DMBX1: variants seen among roughly 807,000 people sequenced by gnomAD.
The protein encoded by DMBX1 is diencephalon/mesencephalon homeobox 1.
DMBX1 carries 7 observed loss-of-function variants against 30.4 expected under a neutral mutation model. The observed-to-expected ratio is 0.23, with a 90% confidence interval of 0.13 to 0.43. The LOEUF is 0.43. DMBX1 is among the 20% of genes least tolerant of loss of function. DMBX1 has a pLI of 1.00. For missense variants in DMBX1, 460 were observed against 508.5 expected (o/e 0.90, Z 0.92); for synonymous variants, 222 against 214.2 (o/e 1.04, Z -0.32).
rs1665972710 is a variant in DMBX1 at position 46,493,669 on chromosome 1, A to G, written c.-13+2886A>G. ...TACAGCCACTGTGGGCGCTGCTTCC[A>G]TGAGCCCCGAGGCCACTGGAGCCCA... On this transcript the variant is annotated intron_variant, in intron 2 of 5. Coordinates refer to ENST00000360032, the MANE Select transcript of DMBX1 (RefSeq NM_172225.2). This position sits in a 1 kb window ranked among gnomAD's most constrained non-coding sequence, Gnocchi z 4.1. 2.0e-5 allele frequency among the ~76,000 whole-genome samples: 3 copies of G among 152,346 alleles called. No individual in the cohort carries two copies. Among genetic ancestry groups the G allele is most frequent in the East Asian group, 3.9e-4 (2 of 5,180 alleles).
At position 46,511,303 on chromosome 1, in the gene DMBX1, A is replaced by T. The variant is rs1422323464; in HGVS notation, c.682+20A>T. 1 of 1,523,890 alleles carries T rather than the reference A, an allele frequency of 6.6e-7. No individual in the cohort carries two copies. The highest frequency in any genetic ancestry group is 1.4e-5 in the African/African-American group (1 of 72,306). 94.4% of individuals were successfully genotyped at this position (1,523,890 alleles called of 1,614,324 possible). A position where few individuals can be genotyped will look rare whatever the true frequency, so the allele number is the denominator to read the frequency against. ...AGGCAGGTGAGGTCTGAGGGGTACC[A>T]TGGGAGGGCTGGGGTCTGGGGGCCC... On this transcript the variant is annotated intron_variant, in intron 5 of 5. Transcript: ENST00000360032.
At position 46,512,628 on chromosome 1, in the gene DMBX1, C is replaced by T. The variant is rs1291477002; in HGVS notation, c.*134C>T. On this transcript the variant is annotated 3_prime_UTR_variant, in exon 6 of 6. Coordinates refer to ENST00000360032, the MANE Select transcript of DMBX1 (RefSeq NM_172225.2). This position sits in a 1 kb window ranked among gnomAD's most constrained non-coding sequence, Gnocchi z 4.8. ...GCCTGGGGTCCTGTTCCCTGCTCCGCTTCCCCATACCCCAGCCCGAGGTGA... is the reference window on the plus strand; with the variant it reads ...GCCTGGGGTCCTGTTCCCTGCTCCGTTTCCCCATACCCCAGCCCGAGGTGA... 6.1e-6 allele frequency: 6 copies of T among 988,868 alleles called. No individual in the cohort carries two copies. Among genetic ancestry groups the T allele is most frequent in the African/African-American group, 1.6e-5 (1 of 61,022 alleles). 61.3% of individuals were successfully genotyped at this position (988,868 alleles called of 1,614,324 possible). A position where few individuals can be genotyped will look rare whatever the true frequency, so the allele number is the denominator to read the frequency against.
Position 46,511,226 on chromosome 1 carries a change from A to G in DMBX1, c.625A>G (p.Lys209Glu), listed in dbSNP as rs781109798. The change falls in exon 5 of 6, where the codon AAG becomes GAG. Residue 209 changes from lysine to glutamate, a missense_variant. Lys to Glu is a moderately conservative substitution (Grantham distance 56). Around this residue, in one of 3 missense-constraint regions of DMBX1, gnomAD observed 334 missense variants for 345.1 expected, o/e 0.97. Coordinates refer to ENST00000360032, the MANE Select transcript of DMBX1 (RefSeq NM_172225.2). Reference protein sequence around the residue: ...RAGAEDPKAEKSPGADSKGLG... With the variant: ...RAGAEDPKAEESPGADSKGLG... Reference sequence around the variant, plus strand: ...AGGGGCTGAGGACCCCAAAGCTGAGAAGAGCCCTGGGGCTGACAGCAAGGG... The same window carrying G: ...AGGGGCTGAGGACCCCAAAGCTGAGGAGAGCCCTGGGGCTGACAGCAAGGG... The G allele has an allele frequency of 7.4e-6, 12 of 1,612,400 alleles. No individual in the cohort carries two copies. Among genetic ancestry groups the G allele is most frequent in the Non-Finnish European group, 1.0e-5 (12 of 1,179,648 alleles).
chr1:46,508,908 C>T (rs1035979795), intron 3 of DMBX1, among the ~76,000 whole-genome samples: 4 of 149,470 alleles, frequency 2.7e-5, no homozygotes, highest in Admixed American at 6.8e-5. Context: ...GCTGACAGAG[C>T]GGTCCCCACT....
At position 46,512,250 on chromosome 1, in the gene DMBX1, T is replaced by C. The variant is rs1341649868; in HGVS notation, c.890T>C (p.Val297Ala). Reference protein sequence around the residue: ...APAAAAAAAAVPYLGVNMAPL... With the variant: ...APAAAAAAAAAPYLGVNMAPL... The stretch of plus-strand genomic sequence containing the variant: ...GCTGCTGCAGCGGCGGCTGCTGCTG[T>C]GCCCTACCTGGGCGTCAACATGGCC... Residue 297 changes from valine (V) to alanine (A), a missense_variant, in exon 6 of 6, where the codon GTG becomes GCG. Val to Ala is a moderately conservative substitution (Grantham distance 64). Around this residue, in one of 3 missense-constraint regions of DMBX1, gnomAD observed 334 missense variants for 345.1 expected, o/e 0.97. Coordinates refer to ENST00000360032, the MANE Select transcript of DMBX1 (RefSeq NM_172225.2). This position sits in a 1 kb window ranked among gnomAD's most constrained non-coding sequence, Gnocchi z 4.8. 1 of 1,613,654 alleles carries C rather than the reference T, an allele frequency of 6.2e-7. No individual in the cohort carries two copies. Among genetic ancestry groups the C allele is most frequent in the South Asian group, 1.1e-5 (1 of 91,078 alleles).
chr1:46,497,293 C>G (rs1344279486), intron 2 of DMBX1, among the ~76,000 whole-genome samples: 1 of 152,062 alleles, frequency 6.6e-6, no homozygotes, highest in East Asian at 1.9e-4. Context: ...GGTGATATAC[C>G]TAGAATGAGT....
chr1:46,507,525 C>T (rs553640244), intron 3 of DMBX1, among the ~76,000 whole-genome samples: 1 of 152,116 alleles, frequency 6.6e-6, no homozygotes, highest in Admixed American at 6.5e-5. Context: ...GCTGGAATGC[C>T]CAGGCAAGGA....
At chr1:46,494,127 C>A (rs116125886) in intron 2 of DMBX1, among the ~76,000 whole-genome samples, 3,296 of 152,340 alleles carry the variant, frequency 0.022, 52 homozygotes, top group Middle Eastern at 0.054. Flanking sequence ...AGAAAGGAAG[C>A]AGAGAATCAA....
Position 46,493,155 on chromosome 1 carries a change from TG to T in DMBX1, c.-13+2373del, listed in dbSNP as rs1247834648. ...GGCCGCCCCGCAGTGCCCATGTAAA[TG>T]ACAGCAATAAATATCTAATCAAGGC... On this transcript the variant is annotated intron_variant, in intron 2 of 5. Transcript: ENST00000360032. The surrounding 1 kb of genome is among the most constrained non-coding windows in gnomAD (Gnocchi z 4.1). Among the ~76,000 whole-genome samples, 1 of 152,024 alleles carries T rather than the reference TG, an allele frequency of 6.6e-6. No homozygotes were observed. Among genetic ancestry groups the T allele is most frequent in the Non-Finnish European group, 1.5e-5 (1 of 68,014 alleles).
chr1:46,490,681 T>G lies in DMBX1; in HGVS notation c.-115T>G, dbSNP rs993312299. On this transcript the variant is annotated 5_prime_UTR_variant, in exon 2 of 6. Coordinates refer to ENST00000360032, the MANE Select transcript of DMBX1 (RefSeq NM_172225.2). ...CTCAGCTGCCACCAAGTGCGCCTTT[T>G]CTCTCTGGATTGCGATTCTGCACGA... is the stretch of plus-strand genomic sequence containing the variant. 1.3e-5 allele frequency among the ~76,000 whole-genome samples: 2 copies of G among 152,274 alleles called. No homozygotes were observed. The highest frequency in any genetic ancestry group is 4.8e-5 in the African/African-American group (2 of 41,474).
intron 2 of DMBX1, among the ~76,000 whole-genome samples, chr1:46,499,862 G>C (rs1407463341): frequency 6.6e-6 from 1 of 152,206 alleles, no homozygotes; most frequent in African/African-American, 2.4e-5. Context: ...GCTGAGTGTG[G>C]TATCTGGCAC....
At chr1:46,497,017 C>A (rs1666037041) in intron 2 of DMBX1, among the ~76,000 whole-genome samples, 1 of 152,202 alleles carries the variant, frequency 6.6e-6, no homozygotes, top group Non-Finnish European at 1.5e-5. Flanking sequence ...GGAAGAGAGT[C>A]CATGGCAACA....
intron 2 of DMBX1, among the ~76,000 whole-genome samples, chr1:46,505,033 A>T (rs1320238425): frequency 2.0e-5 from 3 of 151,682 alleles, no homozygotes; most frequent in African/African-American, 7.3e-5. Flanking sequence ...AGAAATGCAA[A>T]TCAAAACCAC....
Position 46,493,263 on chromosome 1 carries a change from G to A in DMBX1, c.-13+2480G>A, listed in dbSNP as rs1030155414. The stretch of plus-strand genomic sequence containing the variant: ...CGCTGGGGTGGGTTGGTGAGCTTTC[G>A]GCAGGGTGTGTGTTCTGGTCTCCAC... On this transcript the variant is annotated intron_variant, in intron 2 of 5. Coordinates refer to ENST00000360032, the MANE Select transcript of DMBX1 (RefSeq NM_172225.2). This position sits in a 1 kb window ranked among gnomAD's most constrained non-coding sequence, Gnocchi z 4.1. 2.6e-5 allele frequency among the ~76,000 whole-genome samples: 4 copies of A among 152,292 alleles called. 1 individual carries two copies. The highest frequency in any genetic ancestry group is 1.5e-5 in the Non-Finnish European group (1 of 68,028).
intron 2 of DMBX1, among the ~76,000 whole-genome samples, chr1:46,502,728 A>T (rs1666161069): frequency 6.6e-6 from 1 of 152,116 alleles, no homozygotes; most frequent in Admixed American, 6.5e-5. Flanking sequence ...CTCTACAAAA[A>T]AAATAAATAA....
In DMBX1 at chr1:46,511,194, C is replaced by G; in HGVS notation, c.593C>G (p.Pro198Arg). Residue 198 changes from proline (P) to arginine (R), a missense_variant, in exon 5 of 6, where the codon CCC (proline) becomes CGC (arginine). This residue lies in a region of DMBX1 where 334 missense variants were observed against 345.1 expected (regional missense o/e 0.97). Transcript: ENST00000360032. ...PEDQPDREED[P>R]RAGAEDPKAE... ...GATCAGCCGGACCGTGAGGAGGACC[C>G]CAGGGCAGGGGCTGAGGACCCCAAA... The G allele has an allele frequency of 6.2e-7, 1 of 1,613,570 alleles. No homozygotes were observed. Among genetic ancestry groups the G allele is most frequent in the Non-Finnish European group, 8.5e-7 (1 of 1,179,946 alleles).
rs12066279 is a variant in DMBX1 at position 46,489,848 on chromosome 1, G to A, written c.-182G>A. ...GGCCCCGTCGCGCGTAGATGGCAGC[G>A]GAGGCGGCGGCGCGGGCCGGGGTGA... On this transcript the variant is annotated 5_prime_UTR_variant, in exon 1 of 6. Coordinates refer to ENST00000360032, the MANE Select transcript of DMBX1 (RefSeq NM_172225.2). Among the ~76,000 whole-genome samples the A allele has an allele frequency of 0.026, 3,891 of 152,148 alleles. 169 individuals are homozygous for A. Among genetic ancestry groups the A allele is most frequent in the African/African-American group, 0.09 (3,737 of 41,514 alleles).
chr1:46,496,118 G>A (rs1276773125), intron 2 of DMBX1, among the ~76,000 whole-genome samples: 2 of 152,196 alleles, frequency 1.3e-5, no homozygotes, highest in Non-Finnish European at 2.9e-5. Context: ...ACCTTTGAGT[G>A]CCTGATACTG....
chr1:46,515,675 A>G lies in DMBX1; in HGVS notation c.*3181A>G, dbSNP rs185516501. 9.2e-5 allele frequency among the ~76,000 whole-genome samples: 14 copies of G among 152,332 alleles called. No homozygotes were observed. The highest frequency in any genetic ancestry group is 2.6e-4 in the African/African-American group (11 of 41,580). ...AGCACACTGGTAAGCGGCACCGTGC[A>G]TCTCCTCTGAGCACGCTTGTAAGCA... On this transcript the variant is annotated 3_prime_UTR_variant, in exon 6 of 6. Transcript: ENST00000360032.
Sources: gnomAD v4.1 joint callset for allele counts (sites outside exome capture counted in the v4.1 genomes callset) on GRCh38, gnomAD v4.1.1 for gene constraint, gnomAD v4.1.1 regional missense constraint, Gnocchi (gnomAD v3.1) non-coding constraint, MANE v1.5 for transcripts, NCBI Gene and HGNC (gene_info 2026-07-23, HGNC 2026-07-21) for gene names.